The following PYGM variants were observed in gnomAD, a reference collection of about 807,000 sequenced individuals.
The protein encoded by PYGM is glycogen phosphorylase, muscle form.
In PYGM, 81 loss-of-function variants were observed where a neutral mutation model predicts 99.3. That is an observed-to-expected ratio of 0.82 (90% confidence interval 0.68 to 0.98). The LOEUF (loss-of-function observed/expected upper bound fraction) is 0.98, where lower values mean the gene tolerates loss of function less well. Among genes scored for constraint, PYGM ranks in the 50% least tolerant of loss-of-function variants. The pLI is 0.00. For missense variants in PYGM, 1,030 were observed against 1,158.1 expected (o/e 0.89, Z 1.61); for synonymous variants, 436 against 451.5 (o/e 0.97, Z 0.44).
chr11:64,758,212 C>G, intron 4 of PYGM, 34 bp downstream of exon 4: 1 of 1,568,704 alleles, frequency 6.4e-7, no homozygotes, highest in Non-Finnish European at 8.8e-7. Flanking sequence ...CCCATCCTGA[C>G]TAGACCCCAC....
At position 64,753,827 on chromosome 11, in the gene PYGM, G is replaced by C; in HGVS notation, c.1239+52C>G. 7 of 1,544,292 alleles carry C rather than the reference G, an allele frequency of 4.5e-6. No individual in the cohort carries two copies. The South Asian group carries it at 8.4e-5, about 18-fold the overall frequency. On this transcript the variant is annotated intron_variant, in intron 10 of 19. Transcript: ENST00000164139. ...CTGGACGCCCCGACTCCCAGGCCCA[G>C]ACTGGGTGTCCCCCCTCACCCCCAC...
chr11:64,754,717 C>T lies in PYGM; in HGVS notation c.975G>A (p.Thr325=), dbSNP rs747106887. ...CCTTATCTGGGAAGGCATCGAAGTTCGTGCGCACGGGATCACGGCAGCCGA... is the reference window on the plus strand; with the variant it reads ...CCTTATCTGGGAAGGCATCGAAGTTTGTGCGCACGGGATCACGGCAGCCGA... ...SKFGCRDPVR[T]NFDAFPDKVA... The change falls in exon 8 of 20, where the codon ACG becomes ACA. Residue 325 remains threonine, a synonymous_variant. Coordinates refer to ENST00000164139, the MANE Select transcript of PYGM (RefSeq NM_005609.4). The surrounding 1 kb of genome is among the most constrained non-coding windows in gnomAD (Gnocchi z 5.5). 17 of 1,613,708 alleles carry T rather than the reference C, an allele frequency of 1.1e-5. No individual in the cohort carries two copies. The highest frequency in any genetic ancestry group is 1.7e-5 in the Admixed American group (1 of 60,010).
In PYGM at chr11:64,754,943, C is replaced by T; in HGVS notation, c.856-107G>A. On this transcript the variant is annotated intron_variant, in intron 7 of 19. Transcript: ENST00000164139. The surrounding 1 kb of genome is among the most constrained non-coding windows in gnomAD (Gnocchi z 5.5). ...CCACCCATACCGGGACCCCTGAGCC[C>T]TGAGCCGGCCCCCTCTCTGGGACCC... 5 of 1,477,068 alleles carry T rather than the reference C, an allele frequency of 3.4e-6. No individual in the cohort carries two copies. Among genetic ancestry groups the T allele is most frequent in the Non-Finnish European group, 3.7e-6 (4 of 1,095,178 alleles). The allele number at this position is 1,477,068 out of a possible 1,614,324, so 91.5% of individuals were successfully genotyped here. A position where few individuals can be genotyped will look rare whatever the true frequency, so the allele number is the denominator to read the frequency against.
At position 64,754,785 on chromosome 11, in the gene PYGM, C is replaced by G. The variant is rs1428091238; in HGVS notation, c.907G>C (p.Ala303Pro). The G allele has an allele frequency of 6.2e-7, 1 of 1,613,934 alleles. No homozygotes were observed. Among genetic ancestry groups the G allele is most frequent in the East Asian group, 2.2e-5 (1 of 44,884 alleles). ...CGACGGATGATGTCCTGGAGGGTGG[C>G]AGCCACCACGAAATACTCCTGCTTC... ...RLKQEYFVVA[A>P]TLQDIIRRFK... The change falls in exon 8 of 20, where the codon GCC (alanine) becomes CCC (proline). Residue 303 changes from alanine (A) to proline (P), a missense_variant. Ala to Pro is a conservative substitution (Grantham distance 27). Coordinates refer to ENST00000164139, the MANE Select transcript of PYGM (RefSeq NM_005609.4). This position sits in a 1 kb window ranked among gnomAD's most constrained non-coding sequence, Gnocchi z 5.5.
In PYGM at chr11:64,746,776, C is replaced by G. The variant is rs199927544; in HGVS notation, c.2412G>C (p.Arg804=). 4.3e-6 allele frequency: 7 copies of G among 1,614,044 alleles called. No individual in the cohort carries two copies. The African/African-American group carries it at 8.0e-5, about 18-fold the overall frequency. ...NPREWTRMVI[R]NIATSGKFSS... ...AGAACTTGCCAGAGGTGGCTATGTT[C>G]CGGATCACCATCCGCGTCCACTCTC... The change falls in exon 20 of 20, where the codon CGG becomes CGC. Residue 804 remains arginine (R), a synonymous_variant. Transcript: ENST00000164139.
Position 64,759,609 on chromosome 11 carries a change from G to T in PYGM, c.243+47C>A, listed in dbSNP as rs976706840. On this transcript the variant is annotated intron_variant, in intron 1 of 19. Transcript: ENST00000164139. ...CTTAAGTCAAGATCGCCAGCTCCCT[G>T]GCAGCGCCTTCAGCCCATACCCCCA... is the stretch of plus-strand genomic sequence containing the variant. The T allele has an allele frequency of 1.9e-6, 3 of 1,608,152 alleles. No homozygotes were observed. The East Asian group carries it at 6.7e-5, about 36-fold the overall frequency.
chr11:64,753,757 A>T, intron 10 of PYGM, 75 bp from the exon 11 acceptor site: 1 of 1,533,770 alleles, frequency 6.5e-7, no homozygotes, highest in South Asian at 1.2e-5. Context: ...ACACCCCCAG[A>T]GCTCTGCCCA....
chr11:64,749,483 A>G (rs534003663), intron 17 of PYGM, among the ~76,000 whole-genome samples: 2 of 152,100 alleles, frequency 1.3e-5, no homozygotes, highest in Non-Finnish European at 2.9e-5. Context: ...TCTACTAAAA[A>G]TGCAAAAAAT....
Position 64,754,583 on chromosome 11 carries a change from T to C in PYGM, c.999+110A>G. 6.9e-7 allele frequency: 1 copy of C among 1,457,082 alleles called. No homozygotes were observed. The highest frequency in any genetic ancestry group is 9.4e-7 in the Non-Finnish European group (1 of 1,068,550). 90.3% of individuals were successfully genotyped at this position (1,457,082 alleles called of 1,614,324 possible). On this transcript the variant is annotated intron_variant, in intron 8 of 19. Transcript: ENST00000164139. This position sits in a 1 kb window ranked among gnomAD's most constrained non-coding sequence, Gnocchi z 5.5. ...TCCTGAACAACTGACCCTCCCACAC[T>C]CCCAGTCTCCACTCCCTTATCTATT...
rs2058310374 is a variant in PYGM at position 64,746,684 on chromosome 11, A to G, written c.2504T>C (p.Leu835Pro). 1 of 1,614,078 alleles carries G rather than the reference A, an allele frequency of 6.2e-7. No individual in the cohort carries two copies. Among genetic ancestry groups the G allele is most frequent in the African/African-American group, 1.3e-5 (1 of 74,932 alleles). Reference protein sequence around the residue: ...IWGVEPSRQRLPAPDEAI With the variant: ...IWGVEPSRQRPPAPDEAI ...TCAGATGGCCTCATCCGGGGCTGGC[A>G]GGCGCTGGCGGGAAGGCTCCACACC... Residue 835 changes from leucine (L) to proline (P), a missense_variant, in exon 20 of 20, where the codon CTG becomes CCG. Leu to Pro is a moderately conservative substitution (Grantham distance 98, BLOSUM62 -3). Transcript: ENST00000164139.
In PYGM at chr11:64,754,380, A is replaced by G; in HGVS notation, c.1000-35T>C. On this transcript the variant is annotated intron_variant, in intron 8 of 19. Transcript: ENST00000164139. This position sits in a 1 kb window ranked among gnomAD's most constrained non-coding sequence, Gnocchi z 5.5. ...GGGGAGGGGTCAGTCTGGGCTCCAAACCACATTCCATGCTATGGTCACTGC... is the reference window on the plus strand; with the variant it reads ...GGGGAGGGGTCAGTCTGGGCTCCAAGCCACATTCCATGCTATGGTCACTGC... The G allele has an allele frequency of 6.6e-7, 1 of 1,512,982 alleles. No individual in the cohort carries two copies. The allele number at this position is 1,512,982 out of a possible 1,614,324, so 93.7% of individuals were successfully genotyped here. A position where few individuals can be genotyped will look rare whatever the true frequency, so the allele number is the denominator to read the frequency against.
chr11:64,747,737 C>T, intron 17 of PYGM: 1 of 346,172 alleles, frequency 2.9e-6, no homozygotes, highest in South Asian at 2.3e-5. Flanking sequence ...GAGCAGCTAA[C>T]AGGTACAACC....
chr11:64,746,521 T>G lies in PYGM; in HGVS notation c.*138A>C. On this transcript the variant is annotated 3_prime_UTR_variant, in exon 20 of 20. Coordinates refer to ENST00000164139, the MANE Select transcript of PYGM (RefSeq NM_005609.4). ...CTTAGTCACGCTGGACACTGGGACA[T>G]TGAGAGTGGGGAAAATGAGGGTTCC... is the stretch of plus-strand genomic sequence containing the variant. 8.1e-7 allele frequency: 1 copy of G among 1,235,276 alleles called. No individual in the cohort carries two copies. Among genetic ancestry groups the G allele is most frequent in the Non-Finnish European group, 1.2e-6 (1 of 863,962 alleles). The allele number at this position is 1,235,276 out of a possible 1,614,324, so 76.5% of individuals were successfully genotyped here.
In PYGM at chr11:64,758,689, A is replaced by G; in HGVS notation, c.259T>C (p.Ser87Pro). 2 of 1,608,634 alleles carry G rather than the reference A, an allele frequency of 1.2e-6. No individual in the cohort carries two copies. Among genetic ancestry groups the G allele is most frequent in the African/African-American group, 1.3e-5 (1 of 74,882 alleles). ...EKDPKRIYYL[S>P]LEFYMGRTLQ... Reference sequence around the variant, plus strand: ...GTCCGTCCCATATAGAACTCTAAAGACAGGTAGTAGATCCTCTGCCCAGAG... The same window carrying G: ...GTCCGTCCCATATAGAACTCTAAAGGCAGGTAGTAGATCCTCTGCCCAGAG... The change falls in exon 2 of 20, where the codon TCT (serine) becomes CCT (proline). Residue 87 changes from serine to proline, a missense_variant. By Grantham distance (74) the Ser-to-Pro change is moderately conservative. Transcript: ENST00000164139.
intron 13 of PYGM, 97 bp from the exon 14 acceptor site, chr11:64,752,168 G>A (rs1030961926): frequency 4.5e-6 from 7 of 1,545,590 alleles, no homozygotes; most frequent in Non-Finnish European, 6.2e-6. Flanking sequence ...TGGCTACCAG[G>A]AGGCTCACTG....
chr11:64,752,293 GCC>G (rs2058362162), intron 13 of PYGM, 108 bp downstream of exon 13: 1 of 1,417,284 alleles, frequency 7.1e-7, no homozygotes, highest in South Asian at 1.2e-5. Context: ...TCCACCAACG[GCC>G]TGGGCTGGCA....
intron 19 of PYGM, 50 bp downstream of exon 19, chr11:64,746,871 C>T: frequency 1.1e-5 from 18 of 1,614,168 alleles, no homozygotes; most frequent in Non-Finnish European, 1.5e-5. Flanking sequence ...CTGCCTCATC[C>T]CAACCAGGGC....
Position 64,758,613 on chromosome 11 carries a change from G to A in PYGM, c.335C>T (p.Ala112Val). The change falls in exon 2 of 20, where the codon GCC (alanine) becomes GTC (valine). Residue 112 changes from alanine to valine, a missense_variant. By Grantham distance (64) the Ala-to-Val change is moderately conservative (BLOSUM62 0). Coordinates refer to ENST00000164139, the MANE Select transcript of PYGM (RefSeq NM_005609.4). ...NLALENACDE[A>V]TYQLGLDMEE... is the part of the protein sequence containing the mutation. ...CCACCCCACACACACCTGGTAGGTG[G>A]CCTCGTCACAGGCATTCTCTAAGGC... is the stretch of plus-strand genomic sequence containing the variant. The A allele has an allele frequency of 6.2e-7, 1 of 1,613,508 alleles. No individual in the cohort carries two copies. Among genetic ancestry groups the A allele is most frequent in the Non-Finnish European group, 8.5e-7 (1 of 1,179,460 alleles).
chr11:64,751,464 A>G lies in PYGM; in HGVS notation c.1830T>C (p.Ala610=). Residue 610 remains alanine (A), a splice_region_variant and synonymous_variant, in exon 16 of 20, where the codon GCT becomes GCC. Transcript: ENST00000164139. The part of the protein sequence containing the change: ...VPRTVMIGGK[A]APGYHMAKMI... The stretch of plus-strand genomic sequence containing the variant: ...TCTTGGCCATGTGGTACCCAGGTGC[A>G]GCCTGAGGGGACAAAGTCTGGGGTC... The G allele has an allele frequency of 6.2e-7, 1 of 1,614,154 alleles. No individual in the cohort carries two copies. Among genetic ancestry groups the G allele is most frequent in the Non-Finnish European group, 8.5e-7 (1 of 1,180,036 alleles).
Sources: allele counts gnomAD v4.1 joint callset (sites outside exome capture counted in the v4.1 genomes callset), GRCh38; gene constraint gnomAD v4.1.1; non-coding constraint Gnocchi (gnomAD v3.1); transcripts MANE v1.5; gene names NCBI Gene and HGNC (gene_info 2026-07-23, HGNC 2026-07-21).